The following SPATA31C2 variants were observed in gnomAD, a reference collection of about 807,000 sequenced individuals.
SPATA31C2 encodes SPATA31 subfamily C member 2, also known as spermatogenesis-associated protein 31C2.
SPATA31C2 carries 5 observed loss-of-function variants against 11.4 expected under a neutral mutation model. The observed-to-expected ratio is 0.44, with a 90% CI of 0.23 to 0.92. The LOEUF (loss-of-function observed/expected upper bound fraction) is 0.92. Ranked by LOEUF, SPATA31C2 falls within the 40% of genes least tolerant of loss-of-function variation. The pLI, the probability that SPATA31C2 is intolerant of heterozygous loss-of-function variation, is 0.24. For missense variants in SPATA31C2, 1,353 were observed against 1,368.6 expected (o/e 0.99, Z 0.18); for synonymous variants, 515 against 538.7 (o/e 0.96, Z 0.61).
intron 1 of SPATA31C2, among the ~76,000 whole-genome samples, chr9:88,137,218 C>T (rs1825693262): frequency 6.7e-6 from 1 of 148,498 alleles, no homozygotes; most frequent in African/African-American, 2.5e-5. Context: ...CAAGTACAAC[C>T]AACTGACTTT....
rs760484619 is a variant in SPATA31C2, at chr9:88,130,785, G to A, written c.2252C>T (p.Ser751Leu). ...AGCCTTCAAGGACCCATGATCATTC[G>A]AAGATGGGATCCCTCGCGGGGCCCT... ...FQRAPRGIPSSNDHGSLKAPT... is the reference protein window; with the variant it reads ...FQRAPRGIPSLNDHGSLKAPT... The change falls in exon 4 of 4, where the codon TCG becomes TTG. Residue 751 changes from serine (S) to leucine (L), a missense_variant. Physicochemically the swap from Ser to Leu is moderately radical, Grantham distance 145 (BLOSUM62 -2). Transcript: ENST00000324915. 21 of 1,612,950 alleles carry A rather than the reference G, an allele frequency of 1.3e-5. No homozygotes were observed. The highest frequency in any genetic ancestry group is 1.1e-4 in the South Asian group (10 of 91,046).
chr9:88,137,971 TCCC>T (rs1825702088), intron 1 of SPATA31C2, among the ~76,000 whole-genome samples: 1 of 110,492 alleles, frequency 9.1e-6, no homozygotes, highest in African/African-American at 5.2e-5. Context: ...ACCAGAGACC[TCCC>T]CCGTCTCATG....
At chr9:88,136,192 C>T (rs550626983) in intron 1 of SPATA31C2, among the ~76,000 whole-genome samples, 123 of 142,966 alleles carry the variant, frequency 8.6e-4, no homozygotes, top group Middle Eastern at 3.5e-3. Flanking sequence ...CTTGGCCTCC[C>T]AAAGTGCTGG....
chr9:88,136,281 G>T, intron 1 of SPATA31C2, among the ~76,000 whole-genome samples: 1 of 144,124 alleles, frequency 6.9e-6, no homozygotes, highest in Non-Finnish European at 1.5e-5. Flanking sequence ...TAAAAGGACT[G>T]GCATTCCTCT....
In SPATA31C2 at chr9:88,131,731, T is replaced by C; in HGVS notation, c.1306A>G (p.Thr436Ala). ...GGAAAGTTCTCAGGCAGAATGGATG[T>C]CAGTCTTTCCTGGGGAAGGTTAGGA... The part of the protein sequence containing the change: ...STPNLPQERL[T>A]SILPENFPVS... The change falls in exon 4 of 4, where the codon ACA becomes GCA. Residue 436 changes from threonine to alanine, a missense_variant. Coordinates refer to ENST00000324915, the MANE Select transcript of SPATA31C2 (RefSeq NM_001350978.3). 1 of 1,611,968 alleles carries C rather than the reference T, an allele frequency of 6.2e-7. No homozygotes were observed. Among genetic ancestry groups the C allele is most frequent in the Non-Finnish European group, 8.5e-7 (1 of 1,179,826 alleles).
rs776331015 is a variant in SPATA31C2, at chr9:88,130,527, A to G, written c.2510T>C (p.Leu837Pro). 2 of 1,613,252 alleles carry G rather than the reference A, an allele frequency of 1.2e-6. No individual in the cohort carries two copies. Among genetic ancestry groups the G allele is most frequent in the East Asian group, 4.5e-5 (2 of 44,806 alleles). Residue 837 changes from leucine (L) to proline (P), a missense_variant, in exon 4 of 4, where the codon CTC becomes CCC. Coordinates refer to ENST00000324915, the MANE Select transcript of SPATA31C2 (RefSeq NM_001350978.3). ...GTCTTGGGAGACAGACATTCTAGGG[A>G]GTAGAGAGCTTTTGCTGGCGCCTGG... ...KAPGASKSSL[L>P]PRMSVSQDPR...
intron 1 of SPATA31C2, among the ~76,000 whole-genome samples, chr9:88,135,799 G>A (rs1248424279): frequency 7.0e-6 from 1 of 142,042 alleles, no homozygotes; most frequent in Non-Finnish European, 1.5e-5. Context: ...TTACAGGCAT[G>A]AGCCACTGCG....
In SPATA31C2 at chr9:88,130,144, C is replaced by T; in HGVS notation, c.2893G>A (p.Glu965Lys). The T allele has an allele frequency of 1.2e-6, 2 of 1,608,316 alleles. No individual in the cohort carries two copies. Among genetic ancestry groups the T allele is most frequent in the East Asian group, 4.5e-5 (2 of 44,544 alleles). ...KRENSRKPNL[E>K]KHEEMFQGLR... ...CCTTGAAACATTTCTTCATGTTTTT[C>T]TAAGTTGGGCTTCCTAGAGTTCTCC... Residue 965 changes from glutamate to lysine, a missense_variant, in exon 4 of 4, where the codon GAA becomes AAA. Physicochemically the swap from Glu to Lys is moderately conservative, Grantham distance 56 (BLOSUM62 1). Coordinates refer to ENST00000324915, the MANE Select transcript of SPATA31C2 (RefSeq NM_001350978.3).
At chr9:88,136,721 G>T (rs1825687362) in intron 1 of SPATA31C2, among the ~76,000 whole-genome samples, 4 of 130,740 alleles carry the variant, frequency 3.1e-5, no homozygotes, top group Non-Finnish European at 3.1e-5. Context: ...CTTCATATCT[G>T]ACCACCATTG....
Position 88,133,880 on chromosome 9 carries a change from G to C in SPATA31C2, c.190-211C>G, listed in dbSNP as rs532208653. On this transcript the variant is annotated intron_variant, in intron 1 of 3. Coordinates refer to ENST00000324915, the MANE Select transcript of SPATA31C2 (RefSeq NM_001350978.3). ...GAGGGGGTCGGGTGCAGTGGCTCACGGTGCGGTGGCTCACGCCTATAATCC... is the reference window on the plus strand; with the variant it reads ...GAGGGGGTCGGGTGCAGTGGCTCACCGTGCGGTGGCTCACGCCTATAATCC... Among the ~76,000 whole-genome samples, 3 of 152,268 alleles carry C rather than the reference G, an allele frequency of 2.0e-5. No homozygotes were observed. The East Asian group carries it at 5.8e-4, about 30-fold the overall frequency.
rs1252277708 is a variant in SPATA31C2 at position 88,131,929 on chromosome 9, A to T, written c.1108T>A (p.Ser370Thr). The change falls in exon 4 of 4, where the codon TCC (serine) becomes ACC (threonine). Residue 370 changes from serine (S) to threonine (T), a missense_variant. Ser to Thr is a moderately conservative substitution (Grantham distance 58). Transcript: ENST00000324915. Reference protein sequence around the residue: ...SFPVLSPAFLSPMKNTGVACP... With the variant: ...SFPVLSPAFLTPMKNTGVACP... ...GCTACTCCAGTGTTCTTCATCGGGG[A>T]TAGAAAAGCAGGAGATAGGACTGGG... 5.6e-6 allele frequency: 9 copies of T among 1,610,434 alleles called. No individual in the cohort carries two copies. Among genetic ancestry groups the T allele is most frequent in the Admixed American group, 5.0e-5 (3 of 59,846 alleles).
intron 2 of SPATA31C2, 77 bp downstream of exon 2, chr9:88,133,517 A>G: frequency 1.9e-6 from 3 of 1,572,542 alleles, no homozygotes; most frequent in East Asian, 2.4e-5. Flanking sequence ...GGTTTTTTCA[A>G]CTGACTTCTT....
rs763458485 is a variant in SPATA31C2 at position 88,133,642 on chromosome 9, C to A, written c.217G>T (p.Gly73Trp). Residue 73 changes from glycine to tryptophan, a missense_variant, in exon 2 of 4, where the codon GGG becomes TGG. By Grantham distance (184) the Gly-to-Trp change is radical. Coordinates refer to ENST00000324915, the MANE Select transcript of SPATA31C2 (RefSeq NM_001350978.3). ...KRHLVSQRPA[G>W]RRGRPRGRMK... ...CTGCCTCTGGGCCTCCCCCTCCGCC[C>A]TGCTGGACGCTGGGAGACAAGATGA... is the stretch of plus-strand genomic sequence containing the variant. 1 of 1,604,914 alleles carries A rather than the reference C, an allele frequency of 6.2e-7. No homozygotes were observed. The highest frequency in any genetic ancestry group is 8.5e-7 in the Non-Finnish European group (1 of 1,174,138).
rs1340089657 is a variant in SPATA31C2, at chr9:88,131,259, G to A, written c.1778C>T (p.Pro593Leu). The change falls in exon 4 of 4, where the codon CCC becomes CTC. Residue 593 changes from proline (P) to leucine (L), a missense_variant. Physicochemically the swap from Pro to Leu is moderately conservative, Grantham distance 98 (BLOSUM62 -3). Around this residue, in one of 6 missense-constraint regions of SPATA31C2, gnomAD observed 1,075 missense variants for 992.8 expected, o/e 1.08. Coordinates refer to ENST00000324915, the MANE Select transcript of SPATA31C2 (RefSeq NM_001350978.3). Reference protein sequence around the residue: ...KLGQTNEGLIPVSVRRSWLAV... With the variant: ...KLGQTNEGLILVSVRRSWLAV... ...AAGCCAGGATCGACGCACACTCACGGGGATCAAGCCCTCGTTGGTCTGGCC... is the reference window on the plus strand; with the variant it reads ...AAGCCAGGATCGACGCACACTCACGAGGATCAAGCCCTCGTTGGTCTGGCC... The A allele has an allele frequency of 9.9e-6, 16 of 1,611,848 alleles. No homozygotes were observed. Among genetic ancestry groups the A allele is most frequent in the Non-Finnish European group, 1.4e-5 (16 of 1,179,866 alleles).
chr9:88,132,064 G>A lies in SPATA31C2; in HGVS notation c.973C>T (p.Pro325Ser). The change falls in exon 4 of 4, where the codon CCC becomes TCC. Residue 325 changes from proline to serine, a missense_variant. By Grantham distance (74) the Pro-to-Ser change is moderately conservative. This residue lies in a region of SPATA31C2 where 1,075 missense variants were observed against 992.8 expected (regional missense o/e 1.08). Coordinates refer to ENST00000324915, the MANE Select transcript of SPATA31C2 (RefSeq NM_001350978.3). ...TMSPLLFQAQ[P>S]LSHLEPESQP... The stretch of plus-strand genomic sequence containing the variant: ...GACTCAGGCTCCAGATGGGACAGGG[G>A]CTGGGCCTGGAAAAGCAGTGGGGAC... The A allele has an allele frequency of 1.9e-6, 3 of 1,610,796 alleles. No homozygotes were observed. The highest frequency in any genetic ancestry group is 2.5e-6 in the Non-Finnish European group (3 of 1,177,668).
At chr9:88,136,814 G>C (rs1014677415) in intron 1 of SPATA31C2, among the ~76,000 whole-genome samples, 2 of 128,072 alleles carry the variant, frequency 1.6e-5, no homozygotes, top group African/African-American at 6.2e-5. Context: ...AATTCTGTGA[G>C]GTCAGTTTAG....
In SPATA31C2 at chr9:88,129,760, G is replaced by A; in HGVS notation, c.3277C>T (p.Pro1093Ser). 2 of 1,604,052 alleles carry A rather than the reference G, an allele frequency of 1.2e-6. No homozygotes were observed. Among genetic ancestry groups the A allele is most frequent in the Middle Eastern group, 1.7e-4 (1 of 5,982 alleles). Reference sequence around the variant, plus strand: ...TAGAACGGGTGTCTGTGGTTGCAGGGAAACCCACAGACTGGGGCTTGAAAC... The same window carrying A: ...TAGAACGGGTGTCTGTGGTTGCAGGAAAACCCACAGACTGGGGCTTGAAAC... Reference protein sequence around the residue: ...QQFQAPVCGFPCNHRHPFYSE... With the variant: ...QQFQAPVCGFSCNHRHPFYSE... The change falls in exon 4 of 4, where the codon CCC (proline) becomes TCC (serine). Residue 1093 changes from proline (P) to serine (S), a missense_variant. Around this residue, in one of 6 missense-constraint regions of SPATA31C2, gnomAD observed 187 missense variants for 205.8 expected, o/e 0.91. Transcript: ENST00000324915.
In SPATA31C2 at chr9:88,133,627, G is replaced by A; in HGVS notation, c.232C>T (p.Pro78Ser). Residue 78 changes from proline to serine, a missense_variant, in exon 2 of 4, where the codon CCC (proline) becomes TCC (serine). Pro to Ser is a moderately conservative substitution (Grantham distance 74, BLOSUM62 -1). Coordinates refer to ENST00000324915, the MANE Select transcript of SPATA31C2 (RefSeq NM_001350978.3). ...CTGTGGTTTTTCATCCTGCCTCTGG[G>A]CCTCCCCCTCCGCCCTGCTGGACGC... ...SQRPAGRRGR[P>S]RGRMKNHSLR... 1.9e-6 allele frequency: 3 copies of A among 1,604,462 alleles called. 1 individual carries two copies. The highest frequency in any genetic ancestry group is 2.6e-6 in the Non-Finnish European group (3 of 1,173,928).
chr9:88,136,267 A>G (rs1338853616), intron 1 of SPATA31C2, among the ~76,000 whole-genome samples: 41 of 144,544 alleles, frequency 2.8e-4, no homozygotes, highest in African/African-American at 1.0e-3. Flanking sequence ...TGGGCTTGAT[A>G]ATTTAAAAGG....
Sources: gnomAD v4.1 joint callset for allele counts (sites outside exome capture counted in the v4.1 genomes callset) on GRCh38, gnomAD v4.1.1 for gene constraint, gnomAD v4.1.1 regional missense constraint, MANE v1.5 for transcripts, NCBI Gene and HGNC (gene_info 2026-07-23, HGNC 2026-07-21) for gene names.